The following LRRTM1 variants were observed in gnomAD, a reference collection of about 807,000 sequenced individuals.
LRRTM1 encodes the protein leucine-rich repeat transmembrane neuronal protein 1.
A neutral mutation model predicts 37.3 loss-of-function variants in LRRTM1; 8 were observed. The ratio of observed to expected loss-of-function variants is 0.21; its 90% confidence interval spans 0.13 to 0.39. LRRTM1 has a LOEUF of 0.39. LRRTM1 is among the 10% of genes least tolerant of loss of function. LRRTM1 has a pLI of 1.00. For missense variants in LRRTM1, 557 were observed against 691.0 expected, an observed-to-expected ratio of 0.81 and a Z score of 2.17; for synonymous variants, 326 against 316.8, an observed-to-expected ratio of 1.03 and a Z score of -0.31.
rs369517858 is a variant in LRRTM1 at position 80,303,845 on chromosome 2, G to A, written c.-26C>T. 4 of 1,490,834 alleles carry A rather than the reference G, an allele frequency of 2.7e-6. No individual in the cohort carries two copies. The highest frequency in any genetic ancestry group is 3.6e-6 in the Non-Finnish European group (4 of 1,119,472). 92.4% of individuals were successfully genotyped at this position (1,490,834 alleles called of 1,614,324 possible). ...TAGCGAGAATCTTTCCAGAGAGACT[G>A]GAGAATGTCCATTGGAAGCGCTCGG... On this transcript the variant is annotated 5_prime_UTR_variant, in exon 2 of 2. It introduces an in-frame stop codon into an upstream open reading frame of the 5' UTR. Transcript: ENST00000295057. The surrounding 1 kb of genome is among the most constrained non-coding windows in gnomAD (Gnocchi z 7.7).
chr2:80,302,296 G>C lies in LRRTM1; in HGVS notation c.1524C>G (p.Gly508=). Residue 508 remains glycine (G), a synonymous_variant, in exon 2 of 2, where the codon GGC becomes GGG. Transcript: ENST00000295057. This position sits in a 1 kb window ranked among gnomAD's most constrained non-coding sequence, Gnocchi z 6.4. ...EGALVIINEY[G]SCTCHQQPAR... is the part of the protein sequence containing the mutation. The stretch of plus-strand genomic sequence containing the variant: ...CGGGCTGCTGGTGGCAGGTACACGA[G>C]CCATACTCGTTGATGATCACCAGGG... 1 of 1,614,188 alleles carries C rather than the reference G, an allele frequency of 6.2e-7. No individual in the cohort carries two copies. The highest frequency in any genetic ancestry group is 8.5e-7 in the Non-Finnish European group (1 of 1,180,034).
chr2:80,302,712 T>C lies in LRRTM1; in HGVS notation c.1108A>G (p.Thr370Ala). 6.2e-7 allele frequency: 1 copy of C among 1,612,774 alleles called. No individual in the cohort carries two copies. Among genetic ancestry groups the C allele is most frequent in the Non-Finnish European group, 8.5e-7 (1 of 1,179,810 alleles). ...FHLCEDGAEPTSGHLLSAVTN... is the reference protein window; with the variant it reads ...FHLCEDGAEPASGHLLSAVTN... ...ACGGCCGAGAGCAGGTGGCCGCTGG[T>C]GGGCTCGGCCCCATCCTCGCACAGG... The change falls in exon 2 of 2, where the codon ACC becomes GCC. Residue 370 changes from threonine (T) to alanine (A), a missense_variant. Thr to Ala is a moderately conservative substitution (Grantham distance 58). Transcript: ENST00000295057. This position sits in a 1 kb window ranked among gnomAD's most constrained non-coding sequence, Gnocchi z 6.4.
chr2:80,303,146 T>A lies in LRRTM1; in HGVS notation c.674A>T (p.Asn225Ile). The change falls in exon 2 of 2, where the codon AAC (asparagine) becomes ATC (isoleucine). Residue 225 changes from asparagine (N) to isoleucine (I), a missense_variant. Asn to Ile is a moderately radical substitution (Grantham distance 149, BLOSUM62 -3). This residue lies in a region of LRRTM1 where 200 missense variants were observed against 249.9 expected (regional missense o/e 0.80). Transcript: ENST00000295057. This position sits in a 1 kb window ranked among gnomAD's most constrained non-coding sequence, Gnocchi z 7.7. ...HLEHNDLVKV[N>I]FAHFPRLISL... ...GATGAGGCGCGGGAAGTGGGCGAAG[T>A]TCACCTTGACCAAGTCGTTGTGCTC... 1.9e-6 allele frequency: 3 copies of A among 1,614,066 alleles called. No individual in the cohort carries two copies. The highest frequency in any genetic ancestry group is 2.5e-6 in the Non-Finnish European group (3 of 1,180,012).
intron 2 of LRRTM1, among the ~76,000 whole-genome samples, chr2:80,293,830 AT>A (rs1159215771): frequency 6.6e-6 from 1 of 152,188 alleles, no homozygotes; most frequent in African/African-American, 2.4e-5. Flanking sequence ...TTTGGAAAGA[AT>A]TGATGCCTAT....
chr2:80,303,185 G>A lies in LRRTM1; in HGVS notation c.635C>T (p.Thr212Ile), dbSNP rs746600276. The A allele has an allele frequency of 2.5e-6, 4 of 1,613,924 alleles. No individual in the cohort carries two copies. In the African/African-American group the frequency reaches 5.3e-5, roughly 22 times the overall value. Residue 212 changes from threonine to isoleucine, a missense_variant, in exon 2 of 2, where the codon ACC becomes ATC. Physicochemically the swap from Thr to Ile is moderately conservative, Grantham distance 89. Transcript: ENST00000295057. This position sits in a 1 kb window ranked among gnomAD's most constrained non-coding sequence, Gnocchi z 7.7. ...RNSFAGLFKL[T>I]ELHLEHNDLV... ...GTCGTTGTGCTCGAGGTGCAGCTCG[G>A]TGAGCTTAAACAAGCCGGCGAAAGA...
At chr2:80,293,606 T>G (rs1485118571) in intron 2 of LRRTM1, among the ~76,000 whole-genome samples, 2 of 151,908 alleles carry the variant, frequency 1.3e-5, no homozygotes, top group Non-Finnish European at 2.9e-5. Flanking sequence ...ACCCGTCTGT[T>G]TAAGTGCCTG....
At chr2:80,292,890 C>T (rs912647378) in intron 2 of LRRTM1, among the ~76,000 whole-genome samples, 14 of 152,124 alleles carry the variant, frequency 9.2e-5, no homozygotes, top group Non-Finnish European at 1.9e-4. Flanking sequence ...CTTTTCTTTC[C>T]TACAGCATGT....
chr2:80,290,484 A>T (rs936381087), intron 2 of LRRTM1, among the ~76,000 whole-genome samples: 2 of 151,988 alleles, frequency 1.3e-5, no homozygotes, highest in Non-Finnish European at 2.9e-5. Context: ...GGCTCCCGTG[A>T]TGCTTTTACT....
intron 2 of LRRTM1, among the ~76,000 whole-genome samples, chr2:80,296,033 T>A (rs1166108829): frequency 1.3e-5 from 2 of 152,210 alleles, no homozygotes; most frequent in African/African-American, 4.8e-5. Flanking sequence ...GCACATTGAT[T>A]TTTTTCTAGC....
At chr2:80,300,552 G>A (rs748470500), downstream of LRRTM1, among the ~76,000 whole-genome samples, 1 of 151,996 alleles carries the variant, frequency 6.6e-6, no homozygotes, top group Non-Finnish European at 1.5e-5. Flanking sequence ...GGAGACATTT[G>A]CATGTTGGGG....
At chr2:80,289,285 C>G (rs1310975727) in intron 2 of LRRTM1, 1 of 152,152 alleles carries the variant, frequency 6.6e-6, no homozygotes, top group African/African-American at 2.4e-5. Context: ...GCTAAGGGAT[C>G]TTTGTAACTT....
intron 2 of LRRTM1, among the ~76,000 whole-genome samples, chr2:80,290,964 T>G (rs543768677): frequency 2.0e-5 from 3 of 152,178 alleles, no homozygotes; most frequent in Non-Finnish European, 4.4e-5. Flanking sequence ...TAGTATAGAT[T>G]CAAGTATTGA....
intron 1 of LRRTM1, 49 bp downstream of exon 1, chr2:80,304,102 GA>G (rs766640093): frequency 1.3e-3 from 434 of 335,312 alleles, no homozygotes; most frequent in Middle Eastern, 1.6e-3. Context: ...GAAAAGGGAG[GA>G]AAAAAAAAAT....
In LRRTM1 at chr2:80,302,772, C is replaced by T. The variant is rs1676472188; in HGVS notation, c.1048G>A (p.Gly350Ser). Residue 350 changes from glycine to serine, a missense_variant, in exon 2 of 2, where the codon GGC becomes AGC. Transcript: ENST00000295057. The surrounding 1 kb of genome is among the most constrained non-coding windows in gnomAD (Gnocchi z 6.4). ...LQCASPEYAQ[G>S]EDVLDAVYAF... Reference sequence around the variant, plus strand: ...TACACGGCGTCCAGGACGTCCTCGCCCTGTGCGTACTCCGGGCTGGCGCAC... The same window carrying T: ...TACACGGCGTCCAGGACGTCCTCGCTCTGTGCGTACTCCGGGCTGGCGCAC... 1 of 1,613,214 alleles carries T rather than the reference C, an allele frequency of 6.2e-7. No individual in the cohort carries two copies. Among genetic ancestry groups the T allele is most frequent in the African/African-American group, 1.3e-5 (1 of 74,936 alleles).
exon 3 of LRRTM1, chr2:80,288,719 T>C (rs1190620367): frequency 5.9e-5 from 9 of 152,326 alleles, no homozygotes; most frequent in Admixed American, 5.9e-4. Flanking sequence ...GGGCACCAGC[T>C]TGGAGCTCGA....
chr2:80,292,439 A>G (rs932778625), intron 2 of LRRTM1, among the ~76,000 whole-genome samples: 1 of 152,098 alleles, frequency 6.6e-6, no homozygotes, highest in Admixed American at 6.5e-5. Context: ...ACCTCAGTTT[A>G]CCTGTTTGTA....
rs564410249 is a variant in LRRTM1, at chr2:80,302,583, G to T, written c.1237C>A (p.Leu413Ile). The change falls in exon 2 of 2, where the codon CTT (leucine) becomes ATT (isoleucine). Residue 413 changes from leucine (L) to isoleucine (I), a missense_variant. Leu to Ile is a conservative substitution (Grantham distance 5). Around this residue, in one of 5 missense-constraint regions of LRRTM1, gnomAD observed 90 missense variants for 149.4 expected, o/e 0.60. Transcript: ENST00000295057. This position sits in a 1 kb window ranked among gnomAD's most constrained non-coding sequence, Gnocchi z 6.4. ...DGTFEPATVA[L>I]PGGEHAENAV... ...TTCTCGGCGTGCTCGCCGCCTGGAA[G>T]AGCCACGGTGGCAGGCTCGAATGTG... 6.2e-7 allele frequency: 1 copy of T among 1,607,250 alleles called. No homozygotes were observed. Among genetic ancestry groups the T allele is most frequent in the African/African-American group, 1.3e-5 (1 of 75,048 alleles).
rs1390966310 is a variant in LRRTM1, at chr2:80,292,505, C to A, written c.*307-3310G>T. The stretch of plus-strand genomic sequence containing the variant: ...GGAGGGATGAAGGCTTTTTGCAGGG[C>A]TTAAATGAGAAAATCTTAAGGATTT... On this transcript the variant is annotated intron_variant and NMD_transcript_variant, in intron 2 of 2. Transcript: ENST00000417012. Among the ~76,000 whole-genome samples, 6 of 152,086 alleles carry A rather than the reference C, an allele frequency of 3.9e-5. No homozygotes were observed. The East Asian group carries it at 9.6e-4, about 24-fold the overall frequency.
At chr2:80,289,257 G>A (rs892494151) in intron 2 of LRRTM1, 16 of 152,092 alleles carry the variant, frequency 1.1e-4, no homozygotes, top group African/African-American at 3.6e-4. Flanking sequence ...TGAGGCAAGT[G>A]TCAAAGCATC....
Sources: gnomAD v4.1 joint callset for allele counts (sites outside exome capture counted in the v4.1 genomes callset) on GRCh38, gnomAD v4.1.1 for gene constraint, gnomAD v4.1.1 regional missense constraint, Gnocchi (gnomAD v3.1) non-coding constraint, MANE v1.5 for transcripts, NCBI Gene and HGNC (gene_info 2026-07-23, HGNC 2026-07-21) for gene names.